The following MAGI2 variants were observed in gnomAD, a reference collection of about 807,000 sequenced individuals.
MAGI2 encodes the protein membrane associated guanylate kinase, WW and PDZ domain containing 2, also known as membrane-associated guanylate kinase, WW and PDZ domain-containing protein 2.
A neutral mutation model predicts 133.3 loss-of-function variants in MAGI2; 35 were observed. That is an observed-to-expected ratio of 0.26 (90% CI 0.20 to 0.35). The LOEUF (loss-of-function observed/expected upper bound fraction) is 0.35. Among genes scored for constraint, MAGI2 ranks in the 10% least tolerant of loss-of-function variants. MAGI2 has a pLI of 1.00. For missense variants in MAGI2, 1,636 were observed against 1,863.4 expected, an observed-to-expected ratio of 0.88 and a Z score of 2.25; for synonymous variants, 729 against 710.6, an observed-to-expected ratio of 1.03 and a Z score of -0.41.
At chr7:78,709,827 G>T (rs1385438270) in intron 2 of MAGI2, among the ~76,000 whole-genome samples, 2 of 152,036 alleles carry the variant, frequency 1.3e-5, no homozygotes, top group Non-Finnish European at 2.9e-5. Context: ...TTGACTTTTT[G>T]CCTGGTCTAT....
intron 1 of MAGI2, among the ~76,000 whole-genome samples, chr7:79,323,337 A>G (rs1563114793): frequency 6.6e-6 from 1 of 152,216 alleles, no homozygotes; most frequent in Non-Finnish European, 1.5e-5. Context: ...GTGGTAGAAA[A>G]TGATACTAGA....
At chr7:78,052,747 C>T (rs10225384) in intron 21 of MAGI2, among the ~76,000 whole-genome samples, 26,933 of 152,110 alleles carry the variant, frequency 0.18, 3,416 homozygotes, top group African/African-American at 0.35. Context: ...AGAACTGACC[C>T]CCTATAAGAA....
At position 79,159,509 on chromosome 7, in the gene MAGI2, C is replaced by T. The variant is rs755098352; in HGVS notation, c.302-152303G>A. ...CTTCAACCTGCATGACAGAGTGAGA[C>T]TCAGTCTCAAAAAAAAAAAAAAAAA... On this transcript the variant is annotated intron_variant, in intron 1 of 21. Transcript: ENST00000354212. Among the ~76,000 whole-genome samples the T allele has an allele frequency of 1.1e-3, 103 of 94,482 alleles. 1 individual carries two copies. The highest frequency in any genetic ancestry group is 1.8e-3 in the Non-Finnish European group (84 of 46,384). The allele number at this position is 94,482 out of a possible 152,430, so 62.0% of individuals were successfully genotyped here.
chr7:78,727,479 G>A (rs1462186271), intron 2 of MAGI2, among the ~76,000 whole-genome samples: 2 of 152,150 alleles, frequency 1.3e-5, no homozygotes, highest in African/African-American at 4.8e-5. Context: ...AACTTTCAAG[G>A]CAATTGTGTA....
chr7:78,431,904 T>C (rs1402406786), intron 6 of MAGI2, among the ~76,000 whole-genome samples: 1 of 152,052 alleles, frequency 6.6e-6, no homozygotes, highest in Non-Finnish European at 1.5e-5. Flanking sequence ...AAATAGAGTT[T>C]TGGCATCATG....
rs1585840184 is a variant in MAGI2 at position 79,399,079 on chromosome 7, C to CTTTTCTTTTTTTTTTTTTTTTTTTT, written c.301+53940_301+53941insAAAAAAAAAAAAAAAAAAAAGAAAA. On this transcript the variant is annotated intron_variant, in intron 1 of 21. Transcript: ENST00000354212. ...CATCTTCAATTCACTAGTATTATTT[C>CTTTTCTTTTTTTTTTTTTTTTTTTT]TTTTTTTTTTCTTTTCTTTTTTTTT... is the stretch of plus-strand genomic sequence containing the variant. Among the ~76,000 whole-genome samples the CTTTTCTTTTTTTTTTTTTTTTTTTT allele has an allele frequency of 1.1e-4, 13 of 114,662 alleles. 1 individual carries two copies. The highest frequency in any genetic ancestry group is 4.4e-3 in the Middle Eastern group (1 of 228). The allele number at this position is 114,662 out of a possible 152,430, so 75.2% of individuals were successfully genotyped here. A position where few individuals can be genotyped will look rare whatever the true frequency, so the allele number is the denominator to read the frequency against.
chr7:78,073,473 C>T (rs912938096), intron 21 of MAGI2, among the ~76,000 whole-genome samples: 5 of 151,914 alleles, frequency 3.3e-5, no homozygotes, highest in Non-Finnish European at 7.4e-5. Context: ...AAGCCCTGCC[C>T]TATGGCTTTT....
chr7:79,180,541 A>T (rs1410436099), intron 1 of MAGI2, among the ~76,000 whole-genome samples: 2 of 152,020 alleles, frequency 1.3e-5, no homozygotes, highest in Non-Finnish European at 2.9e-5. Context: ...TGCCCCCATG[A>T]TTCAACCACT....
intron 2 of MAGI2, among the ~76,000 whole-genome samples, chr7:78,812,560 A>G (rs965260122): frequency 3.3e-5 from 5 of 149,460 alleles, no homozygotes; most frequent in Admixed American, 6.8e-5. Context: ...AACATTTTAC[A>G]GTTATCTACC....
chr7:78,990,998 C>T (rs1266596616), intron 2 of MAGI2, among the ~76,000 whole-genome samples: 3 of 148,062 alleles, frequency 2.0e-5, no homozygotes, highest in African/African-American at 7.5e-5. Context: ...TTGTAATCCC[C>T]ATGTGTCGAG....
chr7:78,104,548 A>G (rs573246534), intron 20 of MAGI2, among the ~76,000 whole-genome samples: 2 of 151,972 alleles, frequency 1.3e-5, no homozygotes, highest in Non-Finnish European at 2.9e-5. Flanking sequence ...GGCCTTCTAC[A>G]GCCTAGTCCC....
intron 3 of MAGI2, among the ~76,000 whole-genome samples, chr7:78,604,002 G>A (rs1297035203): frequency 6.6e-6 from 1 of 151,976 alleles, no homozygotes; most frequent in Admixed American, 6.6e-5. Flanking sequence ...TGGTCGGATT[G>A]GCACTAATGA....
chr7:79,182,598 T>C (rs1826717672), intron 1 of MAGI2, among the ~76,000 whole-genome samples: 1 of 151,872 alleles, frequency 6.6e-6, no homozygotes, highest in Non-Finnish European at 1.5e-5. Context: ...AAATGCAAAC[T>C]AATATAGCAT....
intron 9 of MAGI2, among the ~76,000 whole-genome samples, chr7:78,283,199 TAAGTACA>T (rs1254314325): frequency 6.6e-6 from 1 of 151,480 alleles, no homozygotes; most frequent in Non-Finnish European, 1.5e-5. Flanking sequence ...TTCTAAAACT[TAAGTACA>T]GAGGAAAAGT....
At chr7:79,039,862 TATATA>T (rs1811484296) in intron 1 of MAGI2, among the ~76,000 whole-genome samples, 3 of 144,556 alleles carry the variant, frequency 2.1e-5, no homozygotes, top group African/African-American at 7.6e-5. Context: ...ATATTATATA[TATATA>T]ATATATATGT....
rs1689468986 is a variant in MAGI2 at position 79,347,707 on chromosome 7, A to C, written c.301+105313T>G. ...TACTAAGAAGATTCCTTACAGATAT[A>C]CTCTGTTTGTCTTTTTGGTAGACTT... On this transcript the variant is annotated intron_variant, in intron 1 of 21. Transcript: ENST00000354212. Among the ~76,000 whole-genome samples, 3 of 151,850 alleles carry C rather than the reference A, an allele frequency of 2.0e-5. No homozygotes were observed. In the South Asian group the frequency reaches 6.2e-4, roughly 31 times the overall value.
At chr7:78,020,747 T>A (rs937670563) in intron 21 of MAGI2, among the ~76,000 whole-genome samples, 2 of 152,160 alleles carry the variant, frequency 1.3e-5, no homozygotes, top group Admixed American at 6.5e-5. Context: ...AACCAGTAGG[T>A]GTCACTCAAA....
At chr7:78,063,745 A>G (rs1813524656) in intron 21 of MAGI2, among the ~76,000 whole-genome samples, 1 of 152,148 alleles carries the variant, frequency 6.6e-6, no homozygotes, top group Non-Finnish European at 1.5e-5. Flanking sequence ...AATTTTCTAC[A>G]ATTCTGCTAA....
chr7:78,354,773 G>GA (rs1243160939), intron 7 of MAGI2, among the ~76,000 whole-genome samples: 11 of 151,964 alleles, frequency 7.2e-5, no homozygotes, highest in African/African-American at 4.8e-5. Context: ...AAAAAATTAA[G>GA]AAAAAAATAC....
Sources: allele counts gnomAD v4.1 joint callset (sites outside exome capture counted in the v4.1 genomes callset), GRCh38; gene constraint gnomAD v4.1.1; transcripts MANE v1.5; gene names NCBI Gene and HGNC (gene_info 2026-07-23, HGNC 2026-07-21).